NFIB: variants seen among roughly 807,000 people sequenced by gnomAD.
The protein encoded by NFIB is nuclear factor I B.
Under a neutral mutation model 61.5 loss-of-function variants are expected in NFIB, and 11 were observed. The observed-to-expected ratio is 0.18, with a 90% CI of 0.11 to 0.30. The LOEUF is 0.30. NFIB is among the 10% of genes least tolerant of loss of function. The pLI, the probability that NFIB is intolerant of heterozygous loss-of-function variation, is 1.00. For synonymous variants in NFIB, 260 were observed against 216.5 expected, an observed-to-expected ratio of 1.20 and a Z score of -1.76; for missense variants, 471 against 608.9, an observed-to-expected ratio of 0.77 and a Z score of 2.38.
chr9:14,225,083 C>T (rs1388223734), intron 2 of NFIB, among the ~76,000 whole-genome samples: 1 of 152,082 alleles, frequency 6.6e-6, no homozygotes, highest in Non-Finnish European at 1.5e-5. Flanking sequence ...CATTTCCCCA[C>T]CTCCCCACCT....
chr9:14,459,671 G>GA, the NFIB span, among the ~76,000 whole-genome samples: 1 of 151,790 alleles, frequency 6.6e-6, no homozygotes. Context: ...AAATTTACAA[G>GA]AAAAAAACAA....
intron 1 of NFIB, chr9:14,361,885 G>C (rs115105044): frequency 6.6e-6 from 1 of 152,282 alleles, no homozygotes; most frequent in Middle Eastern, 3.4e-3. Context: ...TTAACAAAAA[G>C]GAGCTTTTAA....
chr9:14,139,666 T>G (rs1375530445), intron 6 of NFIB, among the ~76,000 whole-genome samples: 10 of 152,208 alleles, frequency 6.6e-5, no homozygotes, highest in Non-Finnish European at 1.3e-4. Flanking sequence ...GTACCAGCCC[T>G]TCTAACATGT....
chr9:14,449,775 C>T, the NFIB span, among the ~76,000 whole-genome samples: 1 of 150,082 alleles, frequency 6.7e-6, no homozygotes, highest in Non-Finnish European at 1.5e-5. Flanking sequence ...ACTAAAAATA[C>T]AAAAAAAAAT....
chr9:14,440,929 G>A, the NFIB span, among the ~76,000 whole-genome samples: 1 of 152,138 alleles, frequency 6.6e-6, no homozygotes, highest in African/African-American at 2.4e-5. Context: ...TTTGAAAGGT[G>A]TTGTGTAGAA....
At chr9:14,127,260 A>G (rs1222103198) in intron 6 of NFIB, among the ~76,000 whole-genome samples, 1 of 152,240 alleles carries the variant, frequency 6.6e-6, no homozygotes, top group Non-Finnish European at 1.5e-5. Flanking sequence ...TGGTTTTAAC[A>G]TCTTGAGTGC....
chr9:14,343,516 T>A (rs916856879), intron 1 of NFIB, among the ~76,000 whole-genome samples: 1 of 152,186 alleles, frequency 6.6e-6, no homozygotes, highest in Admixed American at 6.5e-5. Flanking sequence ...GAAAGGGATG[T>A]GGCTGTTGGC....
At chr9:14,169,012 C>A (rs976427771) in intron 3 of NFIB, among the ~76,000 whole-genome samples, 2 of 152,188 alleles carry the variant, frequency 1.3e-5, no homozygotes, top group African/African-American at 4.8e-5. Flanking sequence ...TCCCAACAGA[C>A]ATGATCATCT....
the NFIB span, among the ~76,000 whole-genome samples, chr9:14,486,052 G>A: frequency 6.6e-6 from 1 of 152,142 alleles, no homozygotes; most frequent in East Asian, 1.9e-4. Flanking sequence ...ACACTGACAT[G>A]GACCTCGGGT....
intron 9 of NFIB, among the ~76,000 whole-genome samples, chr9:14,114,732 C>T (rs1176802466): frequency 6.6e-6 from 1 of 152,180 alleles, no homozygotes; most frequent in African/African-American, 2.4e-5. Flanking sequence ...TGATCCTCTC[C>T]TGAATCTCTT....
chr9:14,448,501 T>C, the NFIB span, among the ~76,000 whole-genome samples: 4 of 152,214 alleles, frequency 2.6e-5, no homozygotes, highest in Non-Finnish European at 4.4e-5. Flanking sequence ...CAGTGCTTCC[T>C]TTTTCTTAAA....
At chr9:14,451,188 A>C in the NFIB span, among the ~76,000 whole-genome samples, 1 of 152,216 alleles carries the variant, frequency 6.6e-6, no homozygotes, top group Admixed American at 6.5e-5. Context: ...AGGTAGCCAG[A>C]TAATTGAGGT....
intron 2 of NFIB, among the ~76,000 whole-genome samples, chr9:14,186,869 TTCTC>T (rs1470611454): frequency 2.0e-5 from 3 of 152,166 alleles, no homozygotes; most frequent in East Asian, 1.9e-4. Context: ...TTATTTTATT[TTCTC>T]TCTATTAGAT....
At chr9:14,135,679 T>C (rs1306982729) in intron 6 of NFIB, among the ~76,000 whole-genome samples, 1 of 152,110 alleles carries the variant, frequency 6.6e-6, no homozygotes, top group Non-Finnish European at 1.5e-5. Context: ...TCCTTATATA[T>C]ATATATTTAC....
At chr9:14,210,044 A>C (rs776095764) in intron 2 of NFIB, among the ~76,000 whole-genome samples, 3 of 152,226 alleles carry the variant, frequency 2.0e-5, no homozygotes, top group Non-Finnish European at 4.4e-5. Context: ...ATAAATAACT[A>C]CAACAATTGG....
intron 1 of NFIB, among the ~76,000 whole-genome samples, chr9:14,349,227 G>C (rs550787985): frequency 6.6e-6 from 1 of 152,326 alleles, no homozygotes; most frequent in African/African-American, 2.4e-5. Context: ...TAGCGGGGTG[G>C]GGGTTTGGTC....
At chr9:14,156,710 C>A (rs1231283450) in intron 3 of NFIB, among the ~76,000 whole-genome samples, 1 of 152,002 alleles carries the variant, frequency 6.6e-6, no homozygotes, top group Non-Finnish European at 1.5e-5. Flanking sequence ...AACCCTGCAC[C>A]CAGCCCACCC....
chr9:14,495,398 C>T, the NFIB span, among the ~76,000 whole-genome samples: 6 of 149,850 alleles, frequency 4.0e-5, no homozygotes, highest in Non-Finnish European at 7.4e-5. Context: ...CTACTCCGTG[C>T]TTTTGCCATC....
At chr9:14,392,610 C>T (rs890033146) in intron 1 of NFIB, among the ~76,000 whole-genome samples, 2 of 152,040 alleles carry the variant, frequency 1.3e-5, no homozygotes, top group Non-Finnish European at 2.9e-5. Flanking sequence ...CACCTGTAGT[C>T]CCAGCTACTC....
Sources: gnomAD v4.1 joint callset for allele counts (sites outside exome capture counted in the v4.1 genomes callset) on GRCh38, gnomAD v4.1.1 for gene constraint, MANE v1.5 for transcripts, NCBI Gene and HGNC (gene_info 2026-07-23, HGNC 2026-07-21) for gene names.